The following CATSPER4 variants were observed in gnomAD, a reference collection of about 807,000 sequenced individuals.
CATSPER4 encodes cation channel sperm-associated protein 4.
CATSPER4 carries 46 observed loss-of-function variants against 54.4 expected under a neutral mutation model. The ratio of observed to expected loss-of-function variants is 0.84; its 90% CI spans 0.67 to 1.08. The LOEUF (loss-of-function observed/expected upper bound fraction) is 1.08, where lower values mean the gene tolerates loss of function less well. CATSPER4 is among the 50% of genes least tolerant of loss of function. The probability of loss-of-function intolerance (pLI) is 0.00; values close to 1 mark genes in which losing one functional copy is unlikely to be tolerated. For missense variants in CATSPER4, 574 were observed against 612.8 expected, an observed-to-expected ratio of 0.94 and a Z score of 0.67; for synonymous variants, 230 against 231.9, an observed-to-expected ratio of 0.99 and a Z score of 0.08.
At chr1:26,193,926 G>A (rs374876192) in intron 3 of CATSPER4, 38 bp downstream of exon 3, 1 of 1,397,542 alleles carries the variant, frequency 7.2e-7, no homozygotes, top group African/African-American at 1.4e-5. Flanking sequence ...TTCCCCCTGG[G>A]GACTGCACAC....
chr1:26,199,094 C>CAGG (rs1446692489), intron 6 of CATSPER4, among the ~76,000 whole-genome samples: 1 of 152,062 alleles, frequency 6.6e-6, no homozygotes, highest in Non-Finnish European at 1.5e-5. Context: ...CTCACGAGGT[C>CAGG]AGATCAAGGC....
At chr1:26,197,229 G>A (rs1363340074) in intron 3 of CATSPER4, among the ~76,000 whole-genome samples, 1 of 152,080 alleles carries the variant, frequency 6.6e-6, no homozygotes, top group East Asian at 1.9e-4. Context: ...TTCTTGTGCC[G>A]TGAGAGCTAT....
At chr1:26,190,905 A>AT (rs1170204447) in intron 1 of CATSPER4, 65 bp downstream of exon 1, 7 of 1,465,430 alleles carry the variant, frequency 4.8e-6, no homozygotes, top group Non-Finnish European at 3.7e-6. Flanking sequence ...GCAGGCCCTC[A>AT]TGGTAACTCT....
chr1:26,199,907 T>C lies in CATSPER4; in HGVS notation c.836T>C (p.Met279Thr). The change falls in exon 7 of 10, where the codon ATG (methionine) becomes ACG (threonine). Residue 279 changes from methionine to threonine, a missense_variant. Physicochemically the swap from Met to Thr is moderately conservative, Grantham distance 81. Coordinates refer to ENST00000456354, the MANE Select transcript of CATSPER4 (RefSeq NM_198137.2). ...DFQTEKREYAMEIGGAIYFTI... is the reference protein window; with the variant it reads ...DFQTEKREYATEIGGAIYFTI... ...AGGACAGAGAAGAGGGAATATGCAATGGAGATTGGGGGTGCCATCTACTTT... is the reference window on the plus strand; with the variant it reads ...AGGACAGAGAAGAGGGAATATGCAACGGAGATTGGGGGTGCCATCTACTTT... The C allele has an allele frequency of 6.2e-7, 1 of 1,614,130 alleles. No individual in the cohort carries two copies. Among genetic ancestry groups the C allele is most frequent in the Non-Finnish European group, 8.5e-7 (1 of 1,180,022 alleles).
intron 3 of CATSPER4, among the ~76,000 whole-genome samples, chr1:26,194,580 G>A (rs927164687): frequency 2.0e-5 from 3 of 152,090 alleles, no homozygotes; most frequent in Non-Finnish European, 4.4e-5. Context: ...TAGTCTGTGA[G>A]CCTAACAGGG....
At chr1:26,201,566 G>A (rs774591661) in intron 9 of CATSPER4, 47 bp downstream of exon 9, 3 of 1,598,196 alleles carry the variant, frequency 1.9e-6, no homozygotes, top group Non-Finnish European at 2.6e-6. Context: ...CTGACACTCT[G>A]CTCAGCCCAG....
rs942436237 is a variant in CATSPER4 at position 26,202,710 on chromosome 1, T to G, written c.*168T>G. 3 of 677,016 alleles carry G rather than the reference T, an allele frequency of 4.4e-6. No individual in the cohort carries two copies. In the African/African-American group the frequency reaches 5.4e-5, roughly 12 times the overall value. The allele number at this position is 677,016 out of a possible 1,614,324, so 41.9% of individuals were successfully genotyped here. On this transcript the variant is annotated 3_prime_UTR_variant, in exon 10 of 10. Coordinates refer to ENST00000456354, the MANE Select transcript of CATSPER4 (RefSeq NM_198137.2). ...GCAGCACCTGCAGGTCTGGTGCCTG[T>G]GAGCCCCAGGTCCGGTGGAGCAAGG...
At chr1:26,191,519 A>G (rs1261407431) in intron 2 of CATSPER4, 89 bp downstream of exon 2, 1 of 1,447,616 alleles carries the variant, frequency 6.9e-7, no homozygotes, top group Non-Finnish European at 9.6e-7. Context: ...TCATCTGTCT[A>G]TGATGGTTGG....
At chr1:26,191,214 T>C (rs2088863584) in intron 1 of CATSPER4, 73 bp from the exon 2 acceptor site, 3 of 1,584,324 alleles carry the variant, frequency 1.9e-6, no homozygotes. Context: ...ACCCCCATTC[T>C]CTAAGAGCAA....
chr1:26,191,575 C>T (rs1336935372), intron 2 of CATSPER4, 145 bp downstream of exon 2: 2 of 967,732 alleles, frequency 2.1e-6, no homozygotes, highest in Admixed American at 2.0e-5. Flanking sequence ...TTCTAGGAAT[C>T]TGGAGATCAA....
At chr1:26,195,647 G>T (rs964972711) in intron 3 of CATSPER4, among the ~76,000 whole-genome samples, 3 of 151,928 alleles carry the variant, frequency 2.0e-5, no homozygotes. Flanking sequence ...GACTACAGGC[G>T]CCCGCCACCA....
chr1:26,197,370 G>A (rs904836716), intron 3 of CATSPER4, among the ~76,000 whole-genome samples: 2 of 152,214 alleles, frequency 1.3e-5, no homozygotes, highest in African/African-American at 4.8e-5. Context: ...TTACCTACCT[G>A]TAGGGCAAGG....
intron 9 of CATSPER4, among the ~76,000 whole-genome samples, chr1:26,201,840 T>C (rs2089012602): frequency 6.6e-6 from 1 of 151,950 alleles, no homozygotes; most frequent in Non-Finnish European, 1.5e-5. Flanking sequence ...CAGGTGCTTG[T>C]CACTGCACCT....
intron 9 of CATSPER4, 58 bp from the exon 10 acceptor site, chr1:26,202,431 C>T: frequency 1.3e-6 from 2 of 1,484,966 alleles, no homozygotes; most frequent in South Asian, 1.2e-5. Context: ...AGGTGAGTAA[C>T]GGAGGCTGCC....
intron 1 of CATSPER4, among the ~76,000 whole-genome samples, 184 bp downstream of exon 1, chr1:26,191,024 T>C (rs2088861199): frequency 6.6e-6 from 1 of 152,068 alleles, no homozygotes; most frequent in African/African-American, 2.4e-5. Flanking sequence ...ATAGGAACCC[T>C]TATATAACGA....
Position 26,199,980 on chromosome 1 carries a change from C to G in CATSPER4, c.909C>G (p.Val303=), listed in dbSNP as rs1162613796. ...IGAFIGINLF[V]IVVTTNLEQM... is the part of the protein sequence containing the mutation. ...CCTTCATTGGCATCAACCTGTTCGT[C>G]ATCGTGGTGACCACCAACCTGGAGC... Residue 303 remains valine (V), a synonymous_variant, in exon 7 of 10, where the codon GTC becomes GTG. Transcript: ENST00000456354. The G allele has an allele frequency of 6.2e-7, 1 of 1,614,080 alleles. No homozygotes were observed. Among genetic ancestry groups the G allele is most frequent in the Non-Finnish European group, 8.5e-7 (1 of 1,179,964 alleles).
chr1:26,194,480 G>A (rs532864447), intron 3 of CATSPER4, among the ~76,000 whole-genome samples: 1 of 152,340 alleles, frequency 6.6e-6, no homozygotes, highest in Non-Finnish European at 1.5e-5. Context: ...TCCCAGGCTA[G>A]GTTAGGTGCT....
intron 3 of CATSPER4, among the ~76,000 whole-genome samples, chr1:26,195,192 T>TGGG (rs2088923084): frequency 6.6e-6 from 1 of 152,230 alleles, no homozygotes; most frequent in Non-Finnish European, 1.5e-5. Flanking sequence ...TCATCCCTCT[T>TGGG]CTCCCACCAC....
chr1:26,194,843 T>C (rs910728381), intron 3 of CATSPER4, among the ~76,000 whole-genome samples: 1 of 152,096 alleles, frequency 6.6e-6, no homozygotes, highest in Non-Finnish European at 1.5e-5. Flanking sequence ...TCCCAACACT[T>C]TGGGAGGCTG....
Sources: allele counts gnomAD v4.1 joint callset (sites outside exome capture counted in the v4.1 genomes callset), GRCh38; gene constraint gnomAD v4.1.1; transcripts MANE v1.5; gene names NCBI Gene and HGNC (gene_info 2026-07-23, HGNC 2026-07-21).